Variants in MYO16 observed in about 807,000 individuals in gnomAD.
MYO16 encodes the protein myosin XVI.
A neutral mutation model predicts 205.3 loss-of-function variants in MYO16; 94 were observed. That is an observed-to-expected ratio of 0.46 (90% CI 0.39 to 0.54). MYO16 has a LOEUF of 0.54. Ranked by LOEUF, MYO16 falls within the 20% of genes least tolerant of loss-of-function variation. The pLI, the probability that MYO16 is intolerant of heterozygous loss-of-function variation, is 0.00. For synonymous variants in MYO16, 988 were observed against 954.0 expected (o/e 1.04, Z -0.66); for missense variants, 2,315 against 2,387.5 (o/e 0.97, Z 0.63).
At chr13:108,693,559 G>C (rs1250447719) in intron 2 of MYO16, among the ~76,000 whole-genome samples, 4 of 152,106 alleles carry the variant, frequency 2.6e-5, no homozygotes, top group African/African-American at 9.7e-5. Flanking sequence ...GCCTGCATTG[G>C]TACTTCATTG....
At chr13:108,866,119 A>C in intron 11 of MYO16, 58 bp from the exon 12 acceptor site, 1 of 1,044,612 alleles carries the variant, frequency 9.6e-7, no homozygotes, top group Non-Finnish European at 1.3e-6. Context: ...TATGATTTTT[A>C]TTGTTTAAAG....
intron 31 of MYO16, among the ~76,000 whole-genome samples, chr13:109,128,645 T>C (rs2139778391): frequency 6.6e-6 from 1 of 151,912 alleles, no homozygotes; most frequent in East Asian, 1.9e-4. Flanking sequence ...GTTTTTGTCA[T>C]GAACAACATG....
At chr13:108,780,445 AGG>A (rs1162182388) in intron 4 of MYO16, among the ~76,000 whole-genome samples, 1 of 151,850 alleles carries the variant, frequency 6.6e-6, no homozygotes, top group Non-Finnish European at 1.5e-5. Flanking sequence ...GAAAAAGAAA[AGG>A]GAAGAAGAAA....
At chr13:108,834,903 T>C (rs978617699) in intron 9 of MYO16, among the ~76,000 whole-genome samples, 9 of 152,124 alleles carry the variant, frequency 5.9e-5, no homozygotes, top group Non-Finnish European at 4.4e-5. Flanking sequence ...ATGCTATTAT[T>C]AATCACAGTG....
chr13:108,521,182 G>T, the MYO16 span, among the ~76,000 whole-genome samples: 19 of 152,212 alleles, frequency 1.2e-4, no homozygotes, highest in African/African-American at 3.4e-4. Flanking sequence ...AAATAAACAT[G>T]TGTGACAGCC....
chr13:108,821,551 G>A (rs374250734), intron 8 of MYO16, among the ~76,000 whole-genome samples: 10 of 152,118 alleles, frequency 6.6e-5, no homozygotes, highest in East Asian at 3.9e-4. Flanking sequence ...TCACATCCTC[G>A]GCTAACTCTA....
At chr13:108,497,785 C>T in the MYO16 span, among the ~76,000 whole-genome samples, 1 of 152,200 alleles carries the variant, frequency 6.6e-6, no homozygotes, top group Non-Finnish European at 1.5e-5. Context: ...ATACAAGCCC[C>T]ACCTGCTGCT....
At chr13:109,036,558 C>A (rs940201488) in intron 23 of MYO16, among the ~76,000 whole-genome samples, 1 of 152,154 alleles carries the variant, frequency 6.6e-6, no homozygotes, top group Non-Finnish European at 1.5e-5. Context: ...CATTTGGCAT[C>A]CACACTGGAG....
At chr13:108,986,969 A>G (rs1884661362) in intron 20 of MYO16, among the ~76,000 whole-genome samples, 1 of 152,186 alleles carries the variant, frequency 6.6e-6, no homozygotes, top group Non-Finnish European at 1.5e-5. Context: ...ACCATTCTGT[A>G]TCTCAGTATT....
At chr13:108,820,534 A>G (rs374563733) in intron 8 of MYO16, 122 bp downstream of exon 8, 1 of 787,704 alleles carries the variant, frequency 1.3e-6, no homozygotes. Flanking sequence ...GAAGCTGTGT[A>G]ACAACCAGCC....
chr13:109,141,483 A>T lies in MYO16; in HGVS notation c.5164+107A>T. The T allele has an allele frequency of 1.2e-6, 1 of 803,396 alleles. No individual in the cohort carries two copies. The highest frequency in any genetic ancestry group is 1.8e-6 in the Non-Finnish European group (1 of 561,696). 49.8% of individuals were successfully genotyped at this position (803,396 alleles called of 1,614,324 possible). A position where few individuals can be genotyped will look rare whatever the true frequency, so the allele number is the denominator to read the frequency against. On this transcript the variant is annotated intron_variant, in intron 32 of 34. Transcript: ENST00000457511. The surrounding 1 kb of genome is among the most constrained non-coding windows in gnomAD (Gnocchi z 4.1). ...ATGTGAAATAGTAAAGTTTCAGGTG[A>T]TGGCCGTGGTCGTTCAGAGCAGATA...
chr13:108,728,968 A>G (rs1031199670), intron 4 of MYO16, among the ~76,000 whole-genome samples: 3 of 139,014 alleles, frequency 2.2e-5, no homozygotes, highest in South Asian at 4.9e-4. Context: ...TTTGTCCTTC[A>G]AGAATATGTA....
intron 20 of MYO16, among the ~76,000 whole-genome samples, chr13:108,977,484 A>G (rs1238506940): frequency 2.0e-5 from 3 of 152,178 alleles, no homozygotes; most frequent in Admixed American, 6.5e-5. Flanking sequence ...GCATCCTGGC[A>G]CATGCCCACG....
At chr13:108,911,154 G>A (rs1435659333) in intron 16 of MYO16, among the ~76,000 whole-genome samples, 3 of 151,906 alleles carry the variant, frequency 2.0e-5, no homozygotes, top group Non-Finnish European at 4.4e-5. Flanking sequence ...AAATTGGCGG[G>A]GGGCAACTTC....
intron 27 of MYO16, among the ~76,000 whole-genome samples, chr13:109,088,592 A>G (rs888143147): frequency 3.3e-5 from 5 of 151,778 alleles, no homozygotes; most frequent in African/African-American, 1.2e-4. Context: ...CTGGGAGGAG[A>G]GACCCCCTGG....
At chr13:108,864,584 A>G (rs760492712) in intron 11 of MYO16, among the ~76,000 whole-genome samples, 2 of 152,130 alleles carry the variant, frequency 1.3e-5, no homozygotes, top group African/African-American at 4.8e-5. Flanking sequence ...GCTGGAATAC[A>G]TTGGTGAGAT....
intron 4 of MYO16, among the ~76,000 whole-genome samples, chr13:108,751,662 A>G (rs149727): frequency 1 from 151,461 of 152,216 alleles, 75,359 homozygotes; most frequent in Non-Finnish European, 1. Flanking sequence ...ACGTCAGTCA[A>G]GTCTCAAGAG....
intron 1 of MYO16, among the ~76,000 whole-genome samples, chr13:108,644,992 T>C (rs1880687237): frequency 6.6e-6 from 1 of 152,194 alleles, no homozygotes. Context: ...AGTGTTGTTT[T>C]GGGCTGGTTT....
intron 23 of MYO16, among the ~76,000 whole-genome samples, chr13:109,026,020 C>T (rs757286420): frequency 1.3e-5 from 2 of 152,138 alleles, no homozygotes; most frequent in East Asian, 1.9e-4. Flanking sequence ...CTCTTTGGAT[C>T]TCAGATAAGC....
Sources: gnomAD v4.1 joint callset for allele counts (sites outside exome capture counted in the v4.1 genomes callset) on GRCh38, gnomAD v4.1.1 for gene constraint, Gnocchi (gnomAD v3.1) non-coding constraint, MANE v1.5 for transcripts, NCBI Gene and HGNC (gene_info 2026-07-23, HGNC 2026-07-21) for gene names.